PRDM15: variants seen among roughly 807,000 people sequenced by gnomAD.
PRDM15 encodes the protein PR/SET domain 15.
Under a neutral mutation model 128.6 loss-of-function variants are expected in PRDM15, and 64 were observed. That is an observed-to-expected ratio of 0.50 (90% CI 0.41 to 0.61). The LOEUF is 0.61. PRDM15 is among the 20% of genes least tolerant of loss of function. PRDM15 has a pLI of 0.00. For synonymous variants in PRDM15, 615 were observed against 621.8 expected, an observed-to-expected ratio of 0.99 and a Z score of 0.16; for missense variants, 1,242 against 1,569.1, an observed-to-expected ratio of 0.79 and a Z score of 3.52.
intron 18 of PRDM15, 75 bp from the exon 19 acceptor site, chr21:41,815,911 G>C: frequency 6.3e-7 from 1 of 1,585,254 alleles, no homozygotes; most frequent in Non-Finnish European, 8.6e-7. Flanking sequence ...CGAGACCCTG[G>C]GGCAGGCACA....
At position 41,836,468 on chromosome 21, in the gene PRDM15, C is replaced by T. The variant is rs2062898246; in HGVS notation, c.1183G>A (p.Gly395Ser). ...CGCCAGCCGGGCCTCGCGGACTCAC[C>T]ATGCGAGCGCACGTGCCTGCTCAGG... ...SNLSRHVRSHGDKLFKCEECA... is the reference protein window; with the variant it reads ...SNLSRHVRSHSDKLFKCEECA... The change falls in exon 9 of 24, where the codon GGT (glycine) becomes AGT (serine). Residue 395 changes from glycine to serine, a missense_variant and splice_region_variant. By Grantham distance (56) the Gly-to-Ser change is moderately conservative. Around this residue, in one of 3 missense-constraint regions of PRDM15, gnomAD observed 612 missense variants for 717.0 expected, o/e 0.85. Coordinates refer to ENST00000398548, the MANE Select transcript of PRDM15 (RefSeq NM_001040424.3). 1.2e-6 allele frequency: 2 copies of T among 1,609,100 alleles called. No individual in the cohort carries two copies. The highest frequency in any genetic ancestry group is 1.7e-6 in the Non-Finnish European group (2 of 1,177,566).
intron 18 of PRDM15, among the ~76,000 whole-genome samples, chr21:41,817,192 T>C (rs534392300): frequency 3.9e-5 from 6 of 152,324 alleles, no homozygotes; most frequent in African/African-American, 1.4e-4. Flanking sequence ...TGTGAGTCAA[T>C]CCATTTACAA....
intron 6 of PRDM15, among the ~76,000 whole-genome samples, chr21:41,842,323 G>A (rs946457725): frequency 2.6e-5 from 4 of 152,048 alleles, no homozygotes; most frequent in African/African-American, 4.8e-5. Context: ...TGGAGGAGAA[G>A]GATTTAGCTT....
intron 9 of PRDM15, 49 bp from the exon 10 acceptor site, chr21:41,836,256 CGA>C (rs1198871878): frequency 6.5e-7 from 1 of 1,543,870 alleles, no homozygotes. Flanking sequence ...GAGCATTTAC[CGA>C]GAGAAGCATG....
intron 2 of PRDM15, among the ~76,000 whole-genome samples, chr21:41,860,090 C>A (rs986549775): frequency 2.6e-5 from 4 of 152,190 alleles, no homozygotes; most frequent in Non-Finnish European, 5.9e-5. Flanking sequence ...AGTGCTACCC[C>A]CTGCAAAGTG....
At chr21:41,818,159 T>C (rs892157982) in intron 18 of PRDM15, among the ~76,000 whole-genome samples, 5 of 152,112 alleles carry the variant, frequency 3.3e-5, no homozygotes, top group African/African-American at 1.2e-4. Context: ...TTGGGGGCAT[T>C]GGGGAGGAAA....
At chr21:41,804,644 G>A in intron 21 of PRDM15, 30 bp from the exon 22 acceptor site, 2 of 1,514,228 alleles carry the variant, frequency 1.3e-6, no homozygotes, top group Non-Finnish European at 1.8e-6. Context: ...TGAGCTGGGG[G>A]TCAGGGTGCT....
Position 41,801,648 on chromosome 21 carries a change from G to T in PRDM15, c.3018C>A (p.Thr1006=). 1.2e-6 allele frequency: 2 copies of T among 1,614,184 alleles called. No homozygotes were observed. Among genetic ancestry groups the T allele is most frequent in the Non-Finnish European group, 1.7e-6 (2 of 1,180,028 alleles). The change falls in exon 24 of 24, where the codon ACC becomes ACA. Residue 1006 remains threonine, a synonymous_variant. Coordinates refer to ENST00000398548, the MANE Select transcript of PRDM15 (RefSeq NM_001040424.3). ...SSVGLTNITV[T]PITTAAATQF... is the part of the protein sequence containing the mutation. The stretch of plus-strand genomic sequence containing the variant: ...GAGTCGCGGCCGCAGTGGTGATGGG[G>T]GTCACGGTGATGTTGGTTAAGCCGA...
At chr21:41,808,615 A>G (rs2061756322) in intron 21 of PRDM15, among the ~76,000 whole-genome samples, 3 of 152,266 alleles carry the variant, frequency 2.0e-5, no homozygotes, top group Admixed American at 1.3e-4. Context: ...CTTCAAGAAC[A>G]AGAGAGAAAT....
At chr21:41,825,929 C>T in intron 13 of PRDM15, 31 bp downstream of exon 13, 1 of 1,508,066 alleles carries the variant, frequency 6.6e-7, no homozygotes, top group Non-Finnish European at 9.2e-7. Context: ...TGCTTTCCAT[C>T]TCAGCGTCCG....
intron 1 of PRDM15, among the ~76,000 whole-genome samples, chr21:41,864,263 A>G (rs1034636273): frequency 3.3e-5 from 5 of 152,230 alleles, no homozygotes; most frequent in Non-Finnish European, 7.3e-5. Context: ...GAAATGAACT[A>G]TAACTTCATA....
chr21:41,844,454 C>G (rs1601346276), intron 6 of PRDM15, among the ~76,000 whole-genome samples: 1 of 74,208 alleles, frequency 1.3e-5, no homozygotes, highest in Non-Finnish European at 2.6e-5. Context: ...CACACACACA[C>G]ACACAGAGCC....
chr21:41,830,147 CCACACAAATACACACACAACA>C (rs1250445440), intron 11 of PRDM15, among the ~76,000 whole-genome samples: 46 of 150,878 alleles, frequency 3.0e-4, no homozygotes, highest in Admixed American at 7.9e-4. Context: ...AACACACACC[CCACACAAATACACACACAACA>C]CACACATTCA....
chr21:41,840,500 T>C (rs1412394804), intron 6 of PRDM15, among the ~76,000 whole-genome samples: 1 of 149,206 alleles, frequency 6.7e-6, no homozygotes, highest in Non-Finnish European at 1.5e-5. Flanking sequence ...CTGGGAGACG[T>C]AGCAGAAGCA....
rs1222083620 is a variant in PRDM15, at chr21:41,857,163, C to CA, written c.285+12dup. On this transcript the variant is annotated intron_variant, in intron 4 of 23. Transcript: ENST00000398548. ...ACCCAGTTCCTGAGCTCCTGTTTGG[C>CA]AACAGCCTTTACCTTCAGGGGAAAT... 1 of 1,595,294 alleles carries CA rather than the reference C, an allele frequency of 6.3e-7. No individual in the cohort carries two copies. The highest frequency in any genetic ancestry group is 1.7e-5 in the Admixed American group (1 of 58,474).
intron 4 of PRDM15, among the ~76,000 whole-genome samples, chr21:41,855,379 A>C (rs2063547629): frequency 6.6e-6 from 1 of 152,148 alleles, no homozygotes; most frequent in African/African-American, 2.4e-5. Context: ...CAGGGAGAAA[A>C]ACTTACATAT....
At chr21:41,823,601 G>C (rs1703808465) in intron 13 of PRDM15, 152 bp from the exon 14 acceptor site, 3 of 764,302 alleles carry the variant, frequency 3.9e-6, no homozygotes, top group Non-Finnish European at 6.1e-6. Context: ...GTGTGTGAGA[G>C]ACACAAATAA....
At chr21:41,857,140 C>T (rs1279423712) in intron 4 of PRDM15, 36 bp downstream of exon 4, 2 of 1,586,186 alleles carry the variant, frequency 1.3e-6, no homozygotes, top group Non-Finnish European at 1.7e-6. Context: ...AGAAAAACAC[C>T]CAGTTCCTGA....
In PRDM15 at chr21:41,878,630, A is replaced by T. The variant is rs549818184; in HGVS notation, c.-10+640T>A. ...GCGTCACCTGTCCATCCACCTCGCT[A>T]CCTTCTCTCTGCCACCAAAAGGCTT... On this transcript the variant is annotated intron_variant, in intron 1 of 23. Coordinates refer to ENST00000398548, the MANE Select transcript of PRDM15 (RefSeq NM_001040424.3). 162 of 1,003,076 alleles carry T rather than the reference A, an allele frequency of 1.6e-4. 1 individual carries two copies. The highest frequency in any genetic ancestry group is 2.9e-4 in the Admixed American group (10 of 35,074). The allele number at this position is 1,003,076 out of a possible 1,614,324, so 62.1% of individuals were successfully genotyped here. A position where few individuals can be genotyped will look rare whatever the true frequency, so the allele number is the denominator to read the frequency against.
Sources: allele counts gnomAD v4.1 joint callset (sites outside exome capture counted in the v4.1 genomes callset), GRCh38; gene constraint gnomAD v4.1.1; regional missense constraint gnomAD v4.1.1; transcripts MANE v1.5; gene names NCBI Gene and HGNC (gene_info 2026-07-23, HGNC 2026-07-21).